The following HTR7 variants were observed in gnomAD, a reference collection of about 807,000 sequenced individuals.
The protein encoded by HTR7 is 5-HT-7.
HTR7 carries 16 observed loss-of-function variants against 34.0 expected under a neutral mutation model. That is an observed-to-expected ratio of 0.47 (90% CI 0.32 to 0.71). The LOEUF (loss-of-function observed/expected upper bound fraction) is 0.71, where lower values mean the gene tolerates loss of function less well. HTR7 is among the 30% of genes least tolerant of loss of function. The pLI is 0.04. For missense variants in HTR7, 504 were observed against 625.5 expected, an observed-to-expected ratio of 0.81 and a Z score of 2.07; for synonymous variants, 265 against 260.2, an observed-to-expected ratio of 1.02 and a Z score of -0.18.
Position 90,821,409 on chromosome 10 carries a change from C to A in HTR7, c.539+35724G>T, listed in dbSNP as rs1455752540. On this transcript the variant is annotated intron_variant, in intron 1 of 3. Coordinates refer to ENST00000336152, the MANE Select transcript of HTR7 (RefSeq NM_019859.4). ...CAGTGAAAAGCAACCCTGGCCAGAA[C>A]TCAGCTGAAATAAATGGAGGGAGCA... Among the ~76,000 whole-genome samples the A allele has an allele frequency of 2.6e-5, 4 of 152,188 alleles. No individual in the cohort carries two copies. The East Asian group carries it at 7.7e-4, about 29-fold the overall frequency.
intron 1 of HTR7, among the ~76,000 whole-genome samples, chr10:90,776,320 A>G (rs1402006699): frequency 1.3e-5 from 2 of 152,184 alleles, no homozygotes; most frequent in Non-Finnish European, 2.9e-5. Flanking sequence ...TGTTGGATGG[A>G]CACTGTTTCC....
Position 90,799,974 on chromosome 10 carries a change from A to C in HTR7, c.540-50380T>G, listed in dbSNP as rs188729089. ...ATATAAAGAACTGCTACAATTCAATAATAGAGCCACAAACAATCCAATTAA... is the reference window on the plus strand; with the variant it reads ...ATATAAAGAACTGCTACAATTCAATCATAGAGCCACAAACAATCCAATTAA... On this transcript the variant is annotated intron_variant, in intron 1 of 3. Coordinates refer to ENST00000336152, the MANE Select transcript of HTR7 (RefSeq NM_019859.4). 4.4e-3 allele frequency among the ~76,000 whole-genome samples: 676 copies of C among 152,384 alleles called. 2 individuals carry two copies. Among genetic ancestry groups the C allele is most frequent in the Non-Finnish European group, 6.9e-3 (469 of 68,046 alleles).
intron 1 of HTR7, among the ~76,000 whole-genome samples, chr10:90,802,781 A>G (rs1401180807): frequency 6.6e-6 from 1 of 152,182 alleles, no homozygotes; most frequent in Non-Finnish European, 1.5e-5. Flanking sequence ...GTTAAAATTC[A>G]TGATCATGGA....
rs113991042 is a variant in HTR7, at chr10:90,791,974, C to G, written c.540-42380G>C. On this transcript the variant is annotated intron_variant, in intron 1 of 3. Coordinates refer to ENST00000336152, the MANE Select transcript of HTR7 (RefSeq NM_019859.4). ...GGAAATTAAAGAGCAGTAAAAAGAG[C>G]AGAAAATCTTGTGGCTCAAACTCCT... Among the ~76,000 whole-genome samples, 571 of 152,204 alleles carry G rather than the reference C, an allele frequency of 3.8e-3. 2 individuals are homozygous for G. Among genetic ancestry groups the G allele is most frequent in the Middle Eastern group, 0.01 (3 of 294 alleles).
intron 1 of HTR7, among the ~76,000 whole-genome samples, chr10:90,846,281 T>C (rs1004215456): frequency 6.6e-6 from 1 of 152,228 alleles, no homozygotes; most frequent in Non-Finnish European, 1.5e-5. Context: ...GCCCATCACA[T>C]GAGGTCAGGT....
At chr10:90,812,864 TTC>T in intron 1 of HTR7, among the ~76,000 whole-genome samples, 1 of 152,208 alleles carries the variant, frequency 6.6e-6, no homozygotes, top group Non-Finnish European at 1.5e-5. Context: ...CTTGCACATA[TTC>T]GCCCAGATGG....
At chr10:90,768,900 T>G (rs1267253234) in intron 1 of HTR7, among the ~76,000 whole-genome samples, 1 of 152,240 alleles carries the variant, frequency 6.6e-6, no homozygotes, top group African/African-American at 2.4e-5. Flanking sequence ...AGTCCTTCAG[T>G]TGGCCTTTGA....
intron 1 of HTR7, among the ~76,000 whole-genome samples, chr10:90,820,106 T>A (rs1845955359): frequency 6.6e-6 from 1 of 152,186 alleles, no homozygotes; most frequent in African/African-American, 2.4e-5. Flanking sequence ...AAGCACAGAA[T>A]TCACCCCTGG....
chr10:90,785,561 T>C (rs745781442), intron 1 of HTR7, among the ~76,000 whole-genome samples: 2 of 152,102 alleles, frequency 1.3e-5, no homozygotes, highest in Admixed American at 1.3e-4. Context: ...CATGACTCAG[T>C]ACCTGGTGCA....
At chr10:90,806,262 C>T (rs1203294276) in intron 1 of HTR7, among the ~76,000 whole-genome samples, 3 of 152,042 alleles carry the variant, frequency 2.0e-5, no homozygotes, top group South Asian at 2.1e-4. Flanking sequence ...GAACCCTTGA[C>T]GGGGTCATCC....
chr10:90,819,736 C>A (rs1191503951), intron 1 of HTR7, among the ~76,000 whole-genome samples: 2 of 152,064 alleles, frequency 1.3e-5, no homozygotes, highest in Non-Finnish European at 2.9e-5. Flanking sequence ...ACCACAGACC[C>A]CAGACCAGGA....
chr10:90,759,633 G>A (rs1844899322), intron 1 of HTR7, among the ~76,000 whole-genome samples: 1 of 143,146 alleles, frequency 7.0e-6, no homozygotes, highest in Non-Finnish European at 1.5e-5. Flanking sequence ...CCGCAGTCCG[G>A]CCTGGGCGAC....
At chr10:90,827,022 C>T (rs117361120) in intron 1 of HTR7, among the ~76,000 whole-genome samples, 4,438 of 151,700 alleles carry the variant, frequency 0.029, 111 homozygotes, top group Non-Finnish European at 0.04. Flanking sequence ...CTCATAGTAA[C>T]TTCAAAACAA....
At position 90,850,781 on chromosome 10, in the gene HTR7, G is replaced by C. The variant is rs139683180; in HGVS notation, c.539+6352C>G. ...AAGGTTGAACAACAGATTAGACATAGTAGAAGAGACAATTAACAAATTGGA... is the reference window on the plus strand; with the variant it reads ...AAGGTTGAACAACAGATTAGACATACTAGAAGAGACAATTAACAAATTGGA... On this transcript the variant is annotated intron_variant, in intron 1 of 3. Transcript: ENST00000336152. Among the ~76,000 whole-genome samples the C allele has an allele frequency of 2.5e-3, 386 of 152,260 alleles. 2 individuals carry two copies. The highest frequency in any genetic ancestry group is 8.9e-3 in the African/African-American group (369 of 41,556).
At position 90,816,369 on chromosome 10, in the gene HTR7, A is replaced by G. The variant is rs936505567; in HGVS notation, c.539+40764T>C. On this transcript the variant is annotated intron_variant, in intron 1 of 3. Transcript: ENST00000336152. ...CTTATTTTGCACATAAATTGGCCAT[A>G]CTATCATTTCTTTTTAGTAAAAAAG... 2.8e-4 allele frequency among the ~76,000 whole-genome samples: 42 copies of G among 152,222 alleles called. 1 individual carries two copies. The highest frequency in any genetic ancestry group is 1.9e-4 in the Non-Finnish European group (13 of 68,040).
chr10:90,773,674 T>TA (rs1564677109), intron 1 of HTR7, among the ~76,000 whole-genome samples: 1 of 152,222 alleles, frequency 6.6e-6, no homozygotes. Context: ...CTTTGATTTT[T>TA]AGATCCCACA....
At chr10:90,770,140 C>T (rs982044679) in intron 1 of HTR7, among the ~76,000 whole-genome samples, 4 of 152,246 alleles carry the variant, frequency 2.6e-5, no homozygotes, top group Admixed American at 6.5e-5. Context: ...TCTAGCATAC[C>T]GCACCTGCGG....
intron 1 of HTR7, among the ~76,000 whole-genome samples, chr10:90,851,588 G>A (rs903852160): frequency 1.7e-5 from 2 of 119,422 alleles, no homozygotes; most frequent in South Asian, 5.9e-4. Flanking sequence ...CTGGGCGACA[G>A]AGTGAGACTC....
intron 1 of HTR7, among the ~76,000 whole-genome samples, chr10:90,812,456 C>G (rs1305393371): frequency 6.6e-6 from 1 of 152,234 alleles, no homozygotes; most frequent in African/African-American, 2.4e-5. Context: ...TAGGCACTCT[C>G]TAATCAGATG....
Sources: gnomAD v4.1 joint callset for allele counts (sites outside exome capture counted in the v4.1 genomes callset) on GRCh38, gnomAD v4.1.1 for gene constraint, MANE v1.5 for transcripts, NCBI Gene and HGNC (gene_info 2026-07-23, HGNC 2026-07-21) for gene names.